Variants in WDR7 observed in about 807,000 individuals in gnomAD.
WDR7 encodes WD repeat-containing protein 7.
A neutral mutation model predicts 169.4 loss-of-function variants in WDR7; 46 were observed. That is an observed-to-expected ratio of 0.27 (90% CI 0.21 to 0.35). WDR7 has a LOEUF of 0.35. Ranked by LOEUF, WDR7 falls within the 10% of genes least tolerant of loss-of-function variation. The probability of loss-of-function intolerance (pLI) is 1.00; values close to 1 mark genes in which losing one functional copy is unlikely to be tolerated. For synonymous variants in WDR7, 612 were observed against 666.8 expected (o/e 0.92, Z 1.27); for missense variants, 1,534 against 1,859.3 (o/e 0.83, Z 3.22).
At chr18:56,827,375 G>T (rs2045225611) in intron 20 of WDR7, among the ~76,000 whole-genome samples, 2 of 152,180 alleles carry the variant, frequency 1.3e-5, no homozygotes, top group Admixed American at 1.3e-4. Context: ...CCATAAAAAA[G>T]AATGAGACCA....
intron 1 of WDR7, among the ~76,000 whole-genome samples, chr18:56,653,134 G>A (rs573633610): frequency 2.5e-4 from 38 of 152,096 alleles, no homozygotes; most frequent in South Asian, 1.7e-3. Context: ...TTGGACCTCA[G>A]GTGCAGAGGA....
intron 22 of WDR7, among the ~76,000 whole-genome samples, chr18:56,932,418 A>G (rs1247228340): frequency 2.6e-5 from 4 of 152,098 alleles, no homozygotes; most frequent in Admixed American, 2.6e-4. Flanking sequence ...CAAAGCACCA[A>G]CCTTTATCAT....
chr18:56,943,160 T>C (rs1412272603), intron 25 of WDR7, among the ~76,000 whole-genome samples: 1 of 152,204 alleles, frequency 6.6e-6, no homozygotes, highest in East Asian at 1.9e-4. Flanking sequence ...GGAGTTAAAA[T>C]TATTTTATTG....
intron 26 of WDR7, among the ~76,000 whole-genome samples, chr18:57,011,374 A>G (rs113636790): frequency 1.7e-4 from 26 of 149,914 alleles, no homozygotes; most frequent in African/African-American, 6.1e-4. Context: ...TTTAAGAAAT[A>G]AAGAGAGCCT....
intron 20 of WDR7, among the ~76,000 whole-genome samples, chr18:56,843,381 C>G (rs1181263011): frequency 6.6e-6 from 1 of 152,184 alleles, no homozygotes; most frequent in Non-Finnish European, 1.5e-5. Context: ...CCCATTCTTT[C>G]CTGCCTCCAT....
chr18:57,025,222 T>C (rs932317848), intron 27 of WDR7, among the ~76,000 whole-genome samples: 4 of 152,208 alleles, frequency 2.6e-5, no homozygotes, highest in Non-Finnish European at 5.9e-5. Context: ...CATATATTCA[T>C]AGAAAATCCA....
chr18:56,903,484 A>T (rs1326434292), intron 21 of WDR7, among the ~76,000 whole-genome samples: 10 of 152,090 alleles, frequency 6.6e-5, no homozygotes, highest in African/African-American at 2.4e-4. Context: ...CAGTGACGTG[A>T]TCTCGACTCA....
At chr18:57,007,215 G>A (rs1366304258) in intron 26 of WDR7, among the ~76,000 whole-genome samples, 10 of 152,166 alleles carry the variant, frequency 6.6e-5, no homozygotes, top group African/African-American at 1.9e-4. Context: ...TCCTGACCTC[G>A]TGATCCACCC....
intron 21 of WDR7, among the ~76,000 whole-genome samples, chr18:56,904,500 A>T (rs1599144741): frequency 6.6e-6 from 1 of 152,306 alleles, no homozygotes; most frequent in Middle Eastern, 3.4e-3. Flanking sequence ...CTTTTGGGGC[A>T]ACAATATGTT....
intron 2 of WDR7, 122 bp from the exon 3 acceptor site, chr18:56,679,210 G>A: frequency 1.4e-6 from 1 of 708,148 alleles, no homozygotes; most frequent in Non-Finnish European, 2.2e-6. Context: ...AGAGCCAGGG[G>A]CTAGAATAAA....
chr18:56,734,275 C>T (rs1442838349), intron 14 of WDR7, among the ~76,000 whole-genome samples: 5 of 152,004 alleles, frequency 3.3e-5, no homozygotes, highest in Admixed American at 6.6e-5. Context: ...CCTTTATTCC[C>T]GTTCCTTTTG....
chr18:56,825,747 CT>C lies in WDR7; in HGVS notation c.3304+9609del, dbSNP rs199887360. Among the ~76,000 whole-genome samples the C allele has an allele frequency of 9.4e-3, 1,425 of 152,130 alleles. 10 individuals are homozygous for C. The highest frequency in any genetic ancestry group is 0.017 in the Middle Eastern group (5 of 294). ...TATTTTAATTTTTAATATAGCTTAA[CT>C]TTTTTGTGTAGTACAAGGAAGTGTT... On this transcript the variant is annotated intron_variant, in intron 20 of 27. Transcript: ENST00000254442.
chr18:57,012,121 T>C (rs754630515), intron 26 of WDR7, among the ~76,000 whole-genome samples: 98 of 152,080 alleles, frequency 6.4e-4, no homozygotes, highest in Non-Finnish European at 1.2e-3. Context: ...TCCTCCTCCT[T>C]AGCCAGTGAA....
intron 26 of WDR7, among the ~76,000 whole-genome samples, chr18:56,999,913 C>T (rs2075520313): frequency 6.6e-6 from 1 of 152,040 alleles, no homozygotes; most frequent in Non-Finnish European, 1.5e-5. Flanking sequence ...ATCTTTTGAC[C>T]GCTATGAGCT....
At chr18:56,860,910 A>G (rs150606692) in intron 20 of WDR7, among the ~76,000 whole-genome samples, 2,123 of 152,176 alleles carry the variant, frequency 0.014, 29 homozygotes, top group East Asian at 0.035. Context: ...ATTGGTTTGT[A>G]TCATATAATA....
At chr18:57,016,078 A>T (rs1392980056) in intron 26 of WDR7, among the ~76,000 whole-genome samples, 2 of 152,158 alleles carry the variant, frequency 1.3e-5, no homozygotes, top group African/African-American at 4.8e-5. Flanking sequence ...TTCAGAGGCC[A>T]CGTGCAGCCA....
At chr18:56,773,772 A>G (rs2044200109) in intron 16 of WDR7, among the ~76,000 whole-genome samples, 1 of 152,146 alleles carries the variant, frequency 6.6e-6, no homozygotes, top group African/African-American at 2.4e-5. Flanking sequence ...ATAAAAAGCC[A>G]AATGTTGCTC....
chr18:56,856,689 G>T (rs1293955675), intron 20 of WDR7, among the ~76,000 whole-genome samples: 1 of 151,786 alleles, frequency 6.6e-6, no homozygotes, highest in Non-Finnish European at 1.5e-5. Flanking sequence ...TTTCCACATT[G>T]ATACCTCATA....
intron 20 of WDR7, among the ~76,000 whole-genome samples, chr18:56,850,518 T>TTC (rs569289929): frequency 1.3e-5 from 2 of 152,296 alleles, no homozygotes; most frequent in East Asian, 1.9e-4. Flanking sequence ...TCTATATTTA[T>TTC]TTATTTATAG....
Sources: gnomAD v4.1 joint callset for allele counts (sites outside exome capture counted in the v4.1 genomes callset) on GRCh38, gnomAD v4.1.1 for gene constraint, MANE v1.5 for transcripts, NCBI Gene and HGNC (gene_info 2026-07-23, HGNC 2026-07-21) for gene names.